The following RARB variants were observed in gnomAD, a reference collection of about 807,000 sequenced individuals.
RARB encodes the protein retinoic acid receptor beta.
A neutral mutation model predicts 51.9 loss-of-function variants in RARB; 17 were observed. That is an observed-to-expected ratio of 0.33 (90% CI 0.22 to 0.49). The LOEUF (loss-of-function observed/expected upper bound fraction) is 0.49, where lower values mean the gene tolerates loss of function less well. Among genes scored for constraint, RARB ranks in the 20% least tolerant of loss-of-function variants. The pLI is 0.99. For missense variants in RARB, 369 were observed against 550.8 expected, an observed-to-expected ratio of 0.67 and a Z score of 3.30; for synonymous variants, 215 against 195.4, an observed-to-expected ratio of 1.10 and a Z score of -0.84.
intron 2 of RARB, among the ~76,000 whole-genome samples, chr3:25,014,656 T>C (rs1171772705): frequency 2.0e-5 from 3 of 151,904 alleles, no homozygotes; most frequent in Admixed American, 6.6e-5. Context: ...AGCAAGAAAA[T>C]GGTTATTGCT....
intron 2 of RARB, among the ~76,000 whole-genome samples, chr3:24,932,525 C>T (rs752882720): frequency 6.6e-6 from 1 of 151,746 alleles, no homozygotes; most frequent in Non-Finnish European, 1.5e-5. Context: ...TCTACATATG[C>T]GTATGCATTT....
chr3:24,831,593 A>G (rs1224300532), intron 1 of RARB, among the ~76,000 whole-genome samples: 1 of 152,116 alleles, frequency 6.6e-6, no homozygotes. Flanking sequence ...TAAATTGTAT[A>G]GTATATTCCT....
chr3:25,569,758 C>T lies in RARB; in HGVS notation c.449C>T (p.Ser150Phe). 1 of 1,612,918 alleles carries T rather than the reference C, an allele frequency of 6.2e-7. No individual in the cohort carries two copies. Among genetic ancestry groups the T allele is most frequent in the Non-Finnish European group, 8.5e-7 (1 of 1,179,500 alleles). Residue 150 changes from serine to phenylalanine, a missense_variant and splice_region_variant, in exon 4 of 8, where the codon TCT becomes TTT. Transcript: ENST00000330688. ...KCFEVGMSKESVRNDRNKKKK... is the reference protein window; with the variant it reads ...KCFEVGMSKEFVRNDRNKKKK... ...GATGTGCCTTCTCTCTCGTTTCCAGCTGTCAGGAATGACAGGAACAAGAAA... is the reference window on the plus strand; with the variant it reads ...GATGTGCCTTCTCTCTCGTTTCCAGTTGTCAGGAATGACAGGAACAAGAAA...
At chr3:25,033,315 G>A (rs4858139) in intron 2 of RARB, among the ~76,000 whole-genome samples, 87,562 of 152,034 alleles carry the variant, frequency 0.58, 25,660 homozygotes, top group East Asian at 0.87. Flanking sequence ...AAAGATAGCT[G>A]TATTAGTCAA....
At chr3:25,119,408 AAGT>A in intron 3 of RARB, among the ~76,000 whole-genome samples, 1 of 152,026 alleles carries the variant, frequency 6.6e-6, no homozygotes, top group East Asian at 1.9e-4. Context: ...AAGATGAATG[AAGT>A]AGTAGTGTAT....
At chr3:25,573,139 C>T (rs557356833) in intron 4 of RARB, among the ~76,000 whole-genome samples, 3 of 152,270 alleles carry the variant, frequency 2.0e-5, no homozygotes, top group South Asian at 2.1e-4. Context: ...CCAACTAGAT[C>T]GAGCTCTGAC....
chr3:24,935,595 G>A (rs939739580), intron 2 of RARB, among the ~76,000 whole-genome samples: 11 of 152,210 alleles, frequency 7.2e-5, no homozygotes, highest in African/African-American at 2.6e-4. Context: ...GGCAAATATT[G>A]GAAGACTAGT....
rs370200988 is a variant in RARB at position 25,194,591 on chromosome 3, C to T, written c.178+20016C>T. Among the ~76,000 whole-genome samples, 27 of 150,004 alleles carry T rather than the reference C, an allele frequency of 1.8e-4. 1 individual carries two copies. The highest frequency in any genetic ancestry group is 7.9e-4 in the East Asian group (4 of 5,088). On this transcript the variant is annotated intron_variant, in intron 5 of 11. Transcript: ENST00000383772. The stretch of plus-strand genomic sequence containing the variant: ...CATACAATTTAATAAAAAGATTACC[C>T]GGAAGTAAAAGGCTGTCATAGGAGC...
At chr3:25,207,665 C>T (rs916392775) in intron 5 of RARB, among the ~76,000 whole-genome samples, 1 of 151,878 alleles carries the variant, frequency 6.6e-6, no homozygotes, top group African/African-American at 2.4e-5. Flanking sequence ...GGAATAAAAC[C>T]CTGTAAAGAG....
In RARB at chr3:24,989,876, T is replaced by TGCAA. The variant is rs1273493625; in HGVS notation, c.-379-70246_-379-70243dup. Among the ~76,000 whole-genome samples the TGCAA allele has an allele frequency of 1.3e-4, 11 of 84,178 alleles. 2 individuals are homozygous for TGCAA. The highest frequency in any genetic ancestry group is 0.012 in the Middle Eastern group (2 of 168). 55.2% of individuals were successfully genotyped at this position (84,178 alleles called of 152,430 possible). The stretch of plus-strand genomic sequence containing the variant: ...CTGCAGTGGCGCAATCTCGGCTCAC[T>TGCAA]GCAAGCTCCCCTTCCCGGGTTCACG... On this transcript the variant is annotated intron_variant, in intron 2 of 11. Coordinates refer to the RARB transcript ENST00000383772.
intron 2 of RARB, among the ~76,000 whole-genome samples, chr3:24,955,527 C>T (rs935739436): frequency 3.3e-5 from 5 of 152,170 alleles, no homozygotes; most frequent in East Asian, 3.9e-4. Context: ...ATATCAACAG[C>T]GTAGGGGCCA....
At chr3:25,262,159 A>T (rs149357751) in intron 5 of RARB, among the ~76,000 whole-genome samples, 1 of 152,048 alleles carries the variant, frequency 6.6e-6, no homozygotes, top group African/African-American at 2.4e-5. Flanking sequence ...TCATTTCTCA[A>T]ACTGTGTTCA....
chr3:25,161,135 C>T (rs1345014945), intron 4 of RARB, among the ~76,000 whole-genome samples: 2 of 151,818 alleles, frequency 1.3e-5, no homozygotes, highest in Non-Finnish European at 2.9e-5. Flanking sequence ...GCCTCAGCCT[C>T]CTGAGTAGCT....
chr3:25,288,894 C>T (rs1703717879), intron 5 of RARB, among the ~76,000 whole-genome samples: 1 of 152,124 alleles, frequency 6.6e-6, no homozygotes, highest in Non-Finnish European at 1.5e-5. Flanking sequence ...CAAGTTTCAA[C>T]CAACAACTAT....
At chr3:24,918,583 G>A (rs1695153065) in intron 2 of RARB, among the ~76,000 whole-genome samples, 1 of 152,076 alleles carries the variant, frequency 6.6e-6, no homozygotes, top group South Asian at 2.1e-4. Context: ...TACAAATATT[G>A]TACAAAATTT....
intron 4 of RARB, among the ~76,000 whole-genome samples, chr3:25,162,510 A>T (rs756285146): frequency 5.9e-5 from 9 of 152,208 alleles, no homozygotes; most frequent in Non-Finnish European, 1.3e-4. Flanking sequence ...GTGCACCATC[A>T]TCACAATCTA....
intron 3 of RARB, among the ~76,000 whole-genome samples, chr3:25,105,015 A>T (rs975978884): frequency 6.6e-6 from 1 of 152,218 alleles, no homozygotes; most frequent in African/African-American, 2.4e-5. Context: ...GTACACGTAC[A>T]GTTTGTGTAC....
intron 5 of RARB, among the ~76,000 whole-genome samples, chr3:25,215,866 C>T (rs951627901): frequency 3.3e-5 from 5 of 152,094 alleles, no homozygotes; most frequent in Admixed American, 6.5e-5. Flanking sequence ...TAATGTCTGG[C>T]GTATTTTGAT....
intron 5 of RARB, among the ~76,000 whole-genome samples, chr3:25,184,589 G>C (rs1205593339): frequency 6.6e-6 from 1 of 152,056 alleles, no homozygotes; most frequent in East Asian, 1.9e-4. Context: ...TCCAGACCCA[G>C]TCTGTGTTCT....
Sources: allele counts gnomAD v4.1 joint callset (sites outside exome capture counted in the v4.1 genomes callset), GRCh38; gene constraint gnomAD v4.1.1; transcripts MANE v1.5; gene names NCBI Gene and HGNC (gene_info 2026-07-23, HGNC 2026-07-21).